The following ATP2C1 variants were observed in gnomAD, a reference collection of about 807,000 sequenced individuals.
The protein encoded by ATP2C1 is ATPase secretory pathway Ca2+ transporting 1, also known as calcium-transporting ATPase type 2C member 1.
A neutral mutation model predicts 120.5 loss-of-function variants in ATP2C1; 31 were observed. The observed-to-expected ratio is 0.26, with a 90% CI of 0.19 to 0.35. The LOEUF (loss-of-function observed/expected upper bound fraction) is 0.35, where lower values mean the gene tolerates loss of function less well. ATP2C1 is among the 10% of genes least tolerant of loss of function. The pLI is 1.00. For missense variants in ATP2C1, 731 were observed against 1,107.5 expected, an observed-to-expected ratio of 0.66 and a Z score of 4.83; for synonymous variants, 351 against 358.7, an observed-to-expected ratio of 0.98 and a Z score of 0.24.
intron 1 of ATP2C1, among the ~76,000 whole-genome samples, chr3:130,887,091 C>CT (rs2068995220): frequency 6.6e-6 from 1 of 152,204 alleles, no homozygotes; most frequent in Admixed American, 6.5e-5. Flanking sequence ...TGTAGAGGTA[C>CT]TGCCTTGGTG....
chr3:130,971,713 A>G (rs2108700143), intron 17 of ATP2C1, among the ~76,000 whole-genome samples: 1 of 152,256 alleles, frequency 6.6e-6, no homozygotes, highest in African/African-American at 2.4e-5. Context: ...TGAATAAGGA[A>G]CCAATAGAAC....
At position 130,979,236 on chromosome 3, in the gene ATP2C1, A is replaced by G. The variant is rs2061653429; in HGVS notation, c.1571-13A>G. On this transcript the variant is annotated splice_polypyrimidine_tract_variant and intron_variant, in intron 18 of 27. Transcript: ENST00000510168. ...TTTTTTTTGTTGTTGTTTGGATTTT[A>G]TTATTTCCTAAGTTCTTGCTTTGGC... is the stretch of plus-strand genomic sequence containing the variant. The G allele has an allele frequency of 1.1e-5, 18 of 1,613,028 alleles. No individual in the cohort carries two copies. Among genetic ancestry groups the G allele is most frequent in the Non-Finnish European group, 1.5e-5 (18 of 1,179,388 alleles).
intron 1 of ATP2C1, among the ~76,000 whole-genome samples, chr3:130,879,186 T>G (rs1247637118): frequency 6.6e-6 from 1 of 152,056 alleles, no homozygotes; most frequent in Non-Finnish European, 1.5e-5. Flanking sequence ...CTCAGCCTCC[T>G]GAGTAGCTGG....
chr3:130,910,090 G>A (rs532128262), intron 2 of ATP2C1, among the ~76,000 whole-genome samples: 49 of 152,170 alleles, frequency 3.2e-4, no homozygotes, highest in Admixed American at 5.2e-4. Context: ...GCCTCTTCTC[G>A]TTGATTCTGC....
intron 2 of ATP2C1, among the ~76,000 whole-genome samples, chr3:130,897,405 A>T (rs2069725755): frequency 6.6e-6 from 1 of 152,210 alleles, no homozygotes; most frequent in Admixed American, 6.5e-5. Flanking sequence ...TCTGTAAATG[A>T]GATAATGCCC....
At position 131,010,823 on chromosome 3, in the gene ATP2C1, C is replaced by G. The variant is rs532911487; in HGVS notation, c.2630-5329C>G. On this transcript the variant is annotated intron_variant, in intron 26 of 26. Coordinates refer to the ATP2C1 transcript ENST00000328560. ...TTCTGCTCTTAAACCTGTGGCAACT[C>G]TGGTCTCACGTTGTCTTAATCTTTG... Among the ~76,000 whole-genome samples the G allele has an allele frequency of 1.5e-3, 222 of 152,292 alleles. 1 individual carries two copies. The highest frequency in any genetic ancestry group is 3.0e-3 in the Non-Finnish European group (201 of 68,022).
chr3:130,957,217 C>T (rs1240983963), intron 11 of ATP2C1, among the ~76,000 whole-genome samples: 3 of 152,170 alleles, frequency 2.0e-5, no homozygotes, highest in Admixed American at 6.5e-5. Context: ...TTGATAATCT[C>T]TGCAATTAAG....
intron 8 of ATP2C1, among the ~76,000 whole-genome samples, chr3:130,949,724 A>G (rs890177410): frequency 1.3e-5 from 2 of 151,780 alleles, no homozygotes; most frequent in African/African-American, 4.8e-5. Flanking sequence ...GTTTTCAGTA[A>G]TACGTAACAT....
chr3:130,877,508 C>T (rs1180576892), intron 1 of ATP2C1, among the ~76,000 whole-genome samples: 1 of 152,174 alleles, frequency 6.6e-6, no homozygotes, highest in African/African-American at 2.4e-5. Flanking sequence ...CAAAAGAAGA[C>T]ATTTATGCAG....
downstream of ATP2C1, among the ~76,000 whole-genome samples, chr3:131,003,431 T>G (rs2062983530): frequency 6.6e-6 from 1 of 152,230 alleles, no homozygotes; most frequent in Admixed American, 6.5e-5. Context: ...ACTAACTTAC[T>G]TGATGTTTTT....
At chr3:130,968,993 C>A (rs1427536363) in intron 16 of ATP2C1, among the ~76,000 whole-genome samples, 2 of 152,020 alleles carry the variant, frequency 1.3e-5, no homozygotes, top group Non-Finnish European at 2.9e-5. Flanking sequence ...TTATTTATAT[C>A]CTGCTTCCTT....
At position 130,996,248 on chromosome 3, in the gene ATP2C1, A is replaced by C. The variant is rs2062617123; in HGVS notation, c.2126+137A>C. The C allele has an allele frequency of 8.4e-6, 6 of 718,280 alleles. No homozygotes were observed. In the East Asian group the frequency reaches 1.5e-4, roughly 18 times the overall value. 44.5% of individuals were successfully genotyped at this position (718,280 alleles called of 1,614,324 possible). A position where few individuals can be genotyped will look rare whatever the true frequency, so the allele number is the denominator to read the frequency against. On this transcript the variant is annotated intron_variant, in intron 23 of 27. Transcript: ENST00000510168. Reference sequence around the variant, plus strand: ...CATATGTCAGTTTTCCAAAAAGAAAATTTATTGTATTCTGAAATTTTAAAT... The same window carrying C: ...CATATGTCAGTTTTCCAAAAAGAAACTTTATTGTATTCTGAAATTTTAAAT...
chr3:130,881,615 G>A (rs1387283600), intron 1 of ATP2C1, among the ~76,000 whole-genome samples: 7 of 152,208 alleles, frequency 4.6e-5, no homozygotes. Context: ...CATTTTGGTA[G>A]AGATTGCATT....
chr3:130,889,394 T>A (rs1348816227), upstream of ATP2C1, among the ~76,000 whole-genome samples: 2 of 152,188 alleles, frequency 1.3e-5, no homozygotes, highest in African/African-American at 4.8e-5. Context: ...ATTCATGCCA[T>A]CAAAATCAAA....
intron 2 of ATP2C1, among the ~76,000 whole-genome samples, chr3:130,925,464 C>G (rs572680804): frequency 6.6e-6 from 1 of 152,310 alleles, no homozygotes; most frequent in East Asian, 1.9e-4. Flanking sequence ...CTAGTACCTG[C>G]TCTGGTGGAG....
At chr3:130,987,656 G>C (rs986879948) in intron 20 of ATP2C1, among the ~76,000 whole-genome samples, 2 of 152,174 alleles carry the variant, frequency 1.3e-5, no homozygotes, top group African/African-American at 4.8e-5. Context: ...CTTCACATCA[G>C]TTTGAATAAC....
chr3:130,991,018 C>A (rs1249555106), intron 20 of ATP2C1, among the ~76,000 whole-genome samples: 5 of 151,976 alleles, frequency 3.3e-5, no homozygotes, highest in Admixed American at 6.6e-5. Flanking sequence ...AAAATGCATT[C>A]AAAAAAATGC....
At chr3:130,932,238 A>T (rs1239096913) in intron 4 of ATP2C1, 100 bp downstream of exon 4, 5 of 813,980 alleles carry the variant, frequency 6.1e-6, no homozygotes, top group Non-Finnish European at 1.0e-5. Context: ...TGGAGAAAGG[A>T]AATAATTTTT....
intron 2 of ATP2C1, among the ~76,000 whole-genome samples, chr3:130,901,862 C>T (rs187970393): frequency 1.2e-4 from 19 of 152,084 alleles, no homozygotes; most frequent in African/African-American, 3.6e-4. Context: ...GATTGTTTTG[C>T]CCCCGGGGGA....
Sources: allele counts gnomAD v4.1 joint callset (sites outside exome capture counted in the v4.1 genomes callset), GRCh38; gene constraint gnomAD v4.1.1; transcripts MANE v1.5; gene names NCBI Gene and HGNC (gene_info 2026-07-23, HGNC 2026-07-21).